The following MDH1 variants were observed in gnomAD, a reference collection of about 807,000 sequenced individuals.
The protein encoded by MDH1 is malate dehydrogenase, cytoplasmic.
Under a neutral mutation model 38.7 loss-of-function variants are expected in MDH1, and 15 were observed. The observed-to-expected ratio is 0.39, with a 90% CI of 0.26 to 0.60. The LOEUF is 0.60. Among genes scored for constraint, MDH1 ranks in the 20% least tolerant of loss-of-function variants. The pLI is 0.56. For missense variants in MDH1, 368 were observed against 405.2 expected (o/e 0.91, Z 0.79); for synonymous variants, 144 against 143.6 (o/e 1.00, Z -0.02).
Position 63,597,415 on chromosome 2 carries a change from TAAAG to T in MDH1, c.219_222del (p.Glu74ThrfsTer28). 6.9e-7 allele frequency: 1 copy of T among 1,441,814 alleles called. No individual in the cohort carries two copies. Among genetic ancestry groups the T allele is most frequent in the Non-Finnish European group, 9.2e-7 (1 of 1,086,872 alleles). 89.3% of individuals were successfully genotyped at this position (1,441,814 alleles called of 1,614,324 possible). On this transcript the variant is annotated frameshift_variant, in exon 4 of 9. Transcript: ENST00000233114. LOFTEE classifies it high-confidence loss of function. ...TGTCCACAGATGTCATCGCAACAGA[TAAAG>T]AAGACGTTGCCTTCAAAGACCTGGA...
rs1390770009 is a variant in MDH1, at chr2:63,604,679, G to C, written c.499-17G>C. On this transcript the variant is annotated splice_polypyrimidine_tract_variant and intron_variant, in intron 5 of 8. Coordinates refer to ENST00000233114, the MANE Select transcript of MDH1 (RefSeq NM_005917.4). ...AACCATTTGTCTCAGTAATGTATTT[G>C]TTTTCAATTTAACTAGATTGCTCTT... The C allele has an allele frequency of 2.5e-6, 4 of 1,600,876 alleles. No homozygotes were observed. The South Asian group carries it at 4.4e-5, about 18-fold the overall frequency.
intron 8 of MDH1, among the ~76,000 whole-genome samples, chr2:63,606,237 C>T (rs530343169): frequency 5.3e-5 from 8 of 152,090 alleles, no homozygotes; most frequent in South Asian, 2.1e-4. Flanking sequence ...AATAATTAGC[C>T]GGGCATGGTG....
chr2:63,603,828 T>C (rs1346664082), intron 5 of MDH1, among the ~76,000 whole-genome samples: 1 of 152,152 alleles, frequency 6.6e-6, no homozygotes, highest in Non-Finnish European at 1.5e-5. Flanking sequence ...CGGCTAACTT[T>C]GTATTTTTAG....
chr2:63,597,859 C>T, intron 4 of MDH1: 1 of 204,868 alleles, frequency 4.9e-6, no homozygotes, highest in Non-Finnish European at 9.6e-6. Flanking sequence ...TCTTCTGGTG[C>T]ATTTTTGCTG....
intron 5 of MDH1, among the ~76,000 whole-genome samples, chr2:63,602,299 G>A (rs966700988): frequency 2.7e-5 from 4 of 149,192 alleles, no homozygotes; most frequent in African/African-American, 9.9e-5. Context: ...GACATTTTAG[G>A]TAATGGCCTT....
intron 2 of MDH1, 119 bp from the exon 3 acceptor site, chr2:63,595,304 A>G (rs1709286044): frequency 2.8e-6 from 2 of 723,162 alleles, no homozygotes; most frequent in African/African-American, 1.7e-5. Flanking sequence ...AATAATCATC[A>G]TGACTAATTA....
At chr2:63,593,620 T>A (rs1709244340) in intron 1 of MDH1, 1 of 471,590 alleles carries the variant, frequency 2.1e-6, no homozygotes. Flanking sequence ...GGACCATTTC[T>A]CCATGCAGGT....
chr2:63,589,579 T>G (rs1320348843), intron 1 of MDH1, among the ~76,000 whole-genome samples: 2 of 152,248 alleles, frequency 1.3e-5, no homozygotes, highest in East Asian at 3.8e-4. Flanking sequence ...AAATGTTATT[T>G]GGAACCCGTT....
chr2:63,604,716 G>T lies in MDH1; in HGVS notation c.519G>T (p.Val173=). ...AKAQIALKLG[V]TANDVKNVII... ...ACTAGATTGCTCTTAAACTTGGTGT[G>T]ACTGCTAATGATGTAAAGAATGTCA... Residue 173 remains valine, a synonymous_variant, in exon 6 of 9, where the codon GTG becomes GTT. Transcript: ENST00000233114. 1.2e-6 allele frequency: 2 copies of T among 1,613,690 alleles called. No homozygotes were observed. The highest frequency in any genetic ancestry group is 2.2e-5 in the South Asian group (2 of 90,970).
At chr2:63,592,568 A>T (rs896357558) in intron 1 of MDH1, among the ~76,000 whole-genome samples, 1 of 152,026 alleles carries the variant, frequency 6.6e-6, no homozygotes, top group Admixed American at 6.6e-5. Context: ...CTGGTCTCGA[A>T]CTCCTGGGCT....
intron 1 of MDH1, chr2:63,593,569 G>A (rs1709243374): frequency 4.2e-6 from 2 of 471,422 alleles, no homozygotes; most frequent in Non-Finnish European, 8.8e-6. Flanking sequence ...GGAACTTTAA[G>A]TAAAAAGAAA....
chr2:63,599,272 C>T lies in MDH1; in HGVS notation c.478C>T (p.His160Tyr), dbSNP rs1709377201. The T allele has an allele frequency of 6.2e-7, 1 of 1,613,288 alleles. No individual in the cohort carries two copies. ...CTTCAGTTGCTTGACTCGTTTGGATCACAACCGAGCTAAAGCTCAAGTAAG... is the reference window on the plus strand; with the variant it reads ...CTTCAGTTGCTTGACTCGTTTGGATTACAACCGAGCTAAAGCTCAAGTAAG... The part of the protein sequence containing the change: ...ENFSCLTRLD[H>Y]NRAKAQIALK... Residue 160 changes from histidine to tyrosine, a missense_variant, in exon 5 of 9, where the codon CAC becomes TAC. Coordinates refer to ENST00000233114, the MANE Select transcript of MDH1 (RefSeq NM_005917.4).
At chr2:63,594,621 G>C in intron 2 of MDH1, 35 bp downstream of exon 2, 2 of 1,413,396 alleles carry the variant, frequency 1.4e-6, no homozygotes, top group Non-Finnish European at 2.0e-6. Flanking sequence ...TAAGTTATTA[G>C]AGTAAGAATA....
intron 1 of MDH1, chr2:63,589,876 G>A (rs1180924120): frequency 1.2e-5 from 2 of 172,642 alleles, no homozygotes; most frequent in African/African-American, 2.4e-5. Context: ...CAGAGAAATC[G>A]CTTCATACTA....
chr2:63,599,182 G>A lies in MDH1; in HGVS notation c.388G>A (p.Gly130Ser), dbSNP rs1709374896. 6.2e-7 allele frequency: 1 copy of A among 1,613,378 alleles called. No individual in the cohort carries two copies. The highest frequency in any genetic ancestry group is 1.7e-5 in the Admixed American group (1 of 59,986). Residue 130 changes from glycine (G) to serine (S), a missense_variant, in exon 5 of 9, where the codon GGT (glycine) becomes AGT (serine). Transcript: ENST00000233114. ...AKKSVKVIVV[G>S]NPANTNCLTA... Reference sequence around the variant, plus strand: ...CCATTCCTCCTAGGTTATTGTTGTGGGTAATCCAGCCAATACCAACTGCCT... The same window carrying A: ...CCATTCCTCCTAGGTTATTGTTGTGAGTAATCCAGCCAATACCAACTGCCT...
chr2:63,599,344 T>C (rs1275983275), intron 5 of MDH1, 52 bp downstream of exon 5: 1 of 1,558,414 alleles, frequency 6.4e-7, no homozygotes, highest in Non-Finnish European at 8.7e-7. Context: ...AAAACATTTT[T>C]CTCTCACTTT....
chr2:63,599,432 G>A, intron 5 of MDH1, 140 bp downstream of exon 5: 1 of 818,520 alleles, frequency 1.2e-6, no homozygotes, highest in Non-Finnish European at 1.8e-6. Flanking sequence ...TAAATTAAAA[G>A]TAAATTATTA....
intron 6 of MDH1, 43 bp downstream of exon 6, chr2:63,604,915 A>T (rs781095631): frequency 1.4e-5 from 22 of 1,596,562 alleles, no homozygotes; most frequent in Admixed American, 6.8e-5. Context: ...AGCGTAAAGA[A>T]CTCTTGAGAG....
At position 63,605,321 on chromosome 2, in the gene MDH1, A is replaced by T. The variant is rs758692561; in HGVS notation, c.717A>T (p.Lys239Asn). The T allele has an allele frequency of 6.2e-7, 1 of 1,614,074 alleles. No homozygotes were observed. Among genetic ancestry groups the T allele is most frequent in the Non-Finnish European group, 8.5e-7 (1 of 1,180,034 alleles). Residue 239 changes from lysine to asparagine, a missense_variant, in exon 7 of 9, where the codon AAA (lysine) becomes AAT (asparagine). Physicochemically the swap from Lys to Asn is moderately conservative, Grantham distance 94. Transcript: ENST00000233114. ...QRGAAVIKARKLSSAMSAAKA... is the reference protein window; with the variant it reads ...QRGAAVIKARNLSSAMSAAKA... ...GCGCTGCTGTCATCAAGGCTCGAAA[A>T]CTATCCAGTGCCATGTCTGCTGCAA...
Sources: gnomAD v4.1 joint callset for allele counts (sites outside exome capture counted in the v4.1 genomes callset) on GRCh38, gnomAD v4.1.1 for gene constraint, MANE v1.5 for transcripts, NCBI Gene and HGNC (gene_info 2026-07-23, HGNC 2026-07-21) for gene names.